ZBTB11: variants seen among roughly 807,000 people sequenced by gnomAD.
The protein encoded by ZBTB11 is zinc finger and BTB domain-containing protein 11.
A neutral mutation model predicts 113.1 loss-of-function variants in ZBTB11; 68 were observed. The observed-to-expected ratio is 0.60, with a 90% CI of 0.49 to 0.74. The LOEUF is 0.74. ZBTB11 is among the 30% of genes least tolerant of loss of function. ZBTB11 has a pLI of 0.00. For synonymous variants in ZBTB11, 518 were observed against 452.6 expected (o/e 1.14, Z -1.83); for missense variants, 1,104 against 1,279.4 (o/e 0.86, Z 2.09).
At chr3:101,674,746 G>C (rs1436463939) in intron 1 of ZBTB11, among the ~76,000 whole-genome samples, 1 of 150,014 alleles carries the variant, frequency 6.7e-6, no homozygotes, top group African/African-American at 2.4e-5. Context: ...CATCGTCTCA[G>C]GTTTTTGCCT....
Position 101,651,594 on chromosome 3 carries a change from G to A in ZBTB11, c.2734C>T (p.Arg912Trp), listed in dbSNP as rs1278779161. The A allele has an allele frequency of 5.6e-6, 9 of 1,612,626 alleles. No homozygotes were observed. Among genetic ancestry groups the A allele is most frequent in the Middle Eastern group, 1.6e-4 (1 of 6,082 alleles). ...CTACATACAGGACAGACATAGGGCCGTTCACCAGTATGTGTTCTGACATGG... is the reference window on the plus strand; with the variant it reads ...CTACATACAGGACAGACATAGGGCCATTCACCAGTATGTGTTCTGACATGG... ...KRHVRTHTGE[R>W]PYVCPVCSEA... The change falls in exon 11 of 11, where the codon CGG (arginine) becomes TGG (tryptophan). Residue 912 changes from arginine to tryptophan, a missense_variant. By Grantham distance (101) the Arg-to-Trp change is moderately radical (BLOSUM62 -3). Transcript: ENST00000312938.
At chr3:101,668,352 A>T (rs1462771393) in intron 3 of ZBTB11, among the ~76,000 whole-genome samples, 4 of 152,140 alleles carry the variant, frequency 2.6e-5, no homozygotes, top group Non-Finnish European at 4.4e-5. Context: ...AAGCTACAAG[A>T]AGCCTGGCAC....
In ZBTB11 at chr3:101,652,758, G is replaced by A. The variant is rs988083817; in HGVS notation, c.2468+22C>T. On this transcript the variant is annotated intron_variant, in intron 9 of 10. Transcript: ENST00000312938. ...GTACACACGTTATCAATTAAGTTCA[G>A]CTCCTTCTCAAATTTACTCACCTAT... The A allele has an allele frequency of 2.5e-6, 4 of 1,609,474 alleles. No individual in the cohort carries two copies. The African/African-American group carries it at 5.4e-5, about 22-fold the overall frequency.
In ZBTB11 at chr3:101,652,837, C is replaced by G. The variant is rs1936727783; in HGVS notation, c.2411G>C (p.Ser804Thr). 3 of 1,614,006 alleles carry G rather than the reference C, an allele frequency of 1.9e-6. No individual in the cohort carries two copies. Among genetic ancestry groups the G allele is most frequent in the Non-Finnish European group, 2.5e-6 (3 of 1,180,012 alleles). Residue 804 changes from serine (S) to threonine (T), a missense_variant, in exon 9 of 11, where the codon AGT becomes ACT. Physicochemically the swap from Ser to Thr is moderately conservative, Grantham distance 58. Coordinates refer to ENST00000312938, the MANE Select transcript of ZBTB11 (RefSeq NM_014415.4). Reference sequence around the variant, plus strand: ...ATGGGAATACCAATCTTTCTTCCAACTATAGCACTTATCACAAAATTGGCA... The same window carrying G: ...ATGGGAATACCAATCTTTCTTCCAAGTATAGCACTTATCACAAAATTGGCA... Reference protein sequence around the residue: ...FQCQFCDKCYSWKKDWYSHVK... With the variant: ...FQCQFCDKCYTWKKDWYSHVK...
At chr3:101,670,935 A>C in intron 3 of ZBTB11, 195 bp downstream of exon 3, 1 of 546,928 alleles carries the variant, frequency 1.8e-6, no homozygotes, top group East Asian at 2.8e-5. Context: ...AGACGTAGTG[A>C]AAGGAAATGA....
At chr3:101,664,386 G>A (rs1576648742) in intron 5 of ZBTB11, 152 bp downstream of exon 5, 1 of 653,824 alleles carries the variant, frequency 1.5e-6, no homozygotes, top group South Asian at 3.1e-5. Context: ...ATATTTTTGG[G>A]AGGCAAGTAA....
chr3:101,666,939 C>T (rs1359727229), intron 3 of ZBTB11, among the ~76,000 whole-genome samples: 2 of 152,050 alleles, frequency 1.3e-5, no homozygotes, highest in Non-Finnish European at 2.9e-5. Flanking sequence ...TTAGTAGAGA[C>T]GGGGTTTCAC....
chr3:101,664,589 G>A lies in ZBTB11; in HGVS notation c.1749C>T (p.Ala583=). ...CATGTTTCAGTTTGTGCATTATAAG[G>A]GCGTATCGTCTCTGAAAAACCATTC... ...ECGMVFQRRY[A]LIMHKLKHER... is the part of the protein sequence containing the mutation. The change falls in exon 5 of 11, where the codon GCC becomes GCT. Residue 583 remains alanine (A), a synonymous_variant. Coordinates refer to ENST00000312938, the MANE Select transcript of ZBTB11 (RefSeq NM_014415.4). 1 of 1,613,622 alleles carries A rather than the reference G, an allele frequency of 6.2e-7. No homozygotes were observed. Among genetic ancestry groups the A allele is most frequent in the Non-Finnish European group, 8.5e-7 (1 of 1,179,870 alleles).
At chr3:101,667,454 T>C (rs1459770576) in intron 3 of ZBTB11, among the ~76,000 whole-genome samples, 2 of 152,198 alleles carry the variant, frequency 1.3e-5, no homozygotes, top group Non-Finnish European at 2.9e-5. Flanking sequence ...AATATACAAT[T>C]GAGAGCCATA....
Position 101,672,110 on chromosome 3 carries a change from T to G in ZBTB11, c.414A>C (p.Glu138Asp). The change falls in exon 2 of 11, where the codon GAA (glutamate) becomes GAC (aspartate). Residue 138 changes from glutamate to aspartate, a missense_variant. Physicochemically the swap from Glu to Asp is conservative, Grantham distance 45. Coordinates refer to ENST00000312938, the MANE Select transcript of ZBTB11 (RefSeq NM_014415.4). ...CTCCAGATTCAAGGTCTAGTCCCAATTCTTCCAACATTTCTGAAACATCTG... is the reference window on the plus strand; with the variant it reads ...CTCCAGATTCAAGGTCTAGTCCCAAGTCTTCCAACATTTCTGAAACATCTG... Reference protein sequence around the residue: ...PISDVSEMLEELGLDLESGEE... With the variant: ...PISDVSEMLEDLGLDLESGEE... 10 of 1,614,200 alleles carry G rather than the reference T, an allele frequency of 6.2e-6. No homozygotes were observed. Among genetic ancestry groups the G allele is most frequent in the South Asian group, 1.1e-5 (1 of 91,088 alleles).
At chr3:101,675,290 T>C (rs1937145299) in intron 1 of ZBTB11, among the ~76,000 whole-genome samples, 1 of 152,258 alleles carries the variant, frequency 6.6e-6, no homozygotes, top group African/African-American at 2.4e-5. Context: ...CCTCATAATT[T>C]AATCTTCGCA....
chr3:101,674,326 A>G (rs955311786), intron 1 of ZBTB11, among the ~76,000 whole-genome samples: 2 of 151,880 alleles, frequency 1.3e-5, no homozygotes, highest in Non-Finnish European at 2.9e-5. Flanking sequence ...AAAGAAAAAA[A>G]GAGAAGAAAA....
Position 101,650,987 on chromosome 3 carries a change from A to C in ZBTB11, c.*179T>G, listed in dbSNP as rs1278510684. On this transcript the variant is annotated 3_prime_UTR_variant, in exon 11 of 11. Coordinates refer to ENST00000312938, the MANE Select transcript of ZBTB11 (RefSeq NM_014415.4). ...GATCTGTTTTCAATTTCTCTACACT[A>C]AACGGACTTTTCTATAGAACCCATT... The C allele has an allele frequency of 2.4e-5, 14 of 591,894 alleles. No homozygotes were observed. Among genetic ancestry groups the C allele is most frequent in the African/African-American group, 7.5e-5 (4 of 53,198 alleles). The allele number at this position is 591,894 out of a possible 1,614,324, so 36.7% of individuals were successfully genotyped here. A position where few individuals can be genotyped will look rare whatever the true frequency, so the allele number is the denominator to read the frequency against.
chr3:101,656,411 T>C (rs1936799288), intron 6 of ZBTB11, among the ~76,000 whole-genome samples, 163 bp from the exon 7 acceptor site: 1 of 152,186 alleles, frequency 6.6e-6, no homozygotes, highest in African/African-American at 2.4e-5. Flanking sequence ...AACTTGAAAG[T>C]TGACCCCTCT....
chr3:101,671,846 A>G (rs774981714), intron 2 of ZBTB11, 132 bp downstream of exon 2: 6 of 707,628 alleles, frequency 8.5e-6, no homozygotes, highest in African/African-American at 3.5e-5. Flanking sequence ...TTCAGCTTAT[A>G]TAACACAGTA....
chr3:101,656,193 T>C lies in ZBTB11; in HGVS notation c.2102A>G (p.His701Arg), dbSNP rs374267059. Residue 701 changes from histidine (H) to arginine (R), a missense_variant, in exon 7 of 11, where the codon CAT (histidine) becomes CGT (arginine). His to Arg is a conservative substitution (Grantham distance 29, BLOSUM62 0). Coordinates refer to ENST00000312938, the MANE Select transcript of ZBTB11 (RefSeq NM_014415.4). ...KHGLKLHQSL[H>R]QSQKQFQCEL... Reference sequence around the variant, plus strand: ...ACACTGGAACTGCTTCTGTGATTGATGAAGACTCTGATGTAATTTTAGACC... The same window carrying C: ...ACACTGGAACTGCTTCTGTGATTGACGAAGACTCTGATGTAATTTTAGACC... 4.4e-6 allele frequency: 7 copies of C among 1,601,936 alleles called. No homozygotes were observed. The highest frequency in any genetic ancestry group is 5.1e-6 in the Non-Finnish European group (6 of 1,174,872).
intron 5 of ZBTB11, chr3:101,662,223 T>C (rs1345384054): frequency 2.6e-5 from 4 of 151,976 alleles, no homozygotes; most frequent in African/African-American, 9.7e-5. Context: ...TATTGCCTGG[T>C]CTTGAACTCC....
intron 5 of ZBTB11, chr3:101,661,992 A>G (rs1298190726): frequency 1.3e-5 from 2 of 151,376 alleles, no homozygotes; most frequent in African/African-American, 4.8e-5. Context: ...TATATATTTT[A>G]TTCCTAAAAT....
chr3:101,674,628 A>G (rs1358759213), intron 1 of ZBTB11, among the ~76,000 whole-genome samples: 1 of 149,780 alleles, frequency 6.7e-6, no homozygotes, highest in African/African-American at 2.5e-5. Context: ...TGAACCCGGG[A>G]GGTGGAGTTG....
Sources: allele counts gnomAD v4.1 joint callset (sites outside exome capture counted in the v4.1 genomes callset), GRCh38; gene constraint gnomAD v4.1.1; transcripts MANE v1.5; gene names NCBI Gene and HGNC (gene_info 2026-07-23, HGNC 2026-07-21).